The following ABCB1 variants were observed in gnomAD, a reference collection of about 807,000 sequenced individuals.
The protein encoded by ABCB1 is ATP binding cassette subfamily B member 1, also known as ATP-dependent translocase ABCB1.
A neutral mutation model predicts 142.0 loss-of-function variants in ABCB1; 69 were observed. The observed-to-expected ratio is 0.49, with a 90% CI of 0.40 to 0.59. The LOEUF (loss-of-function observed/expected upper bound fraction) is 0.59, where lower values mean the gene tolerates loss of function less well. Ranked by LOEUF, ABCB1 falls within the 20% of genes least tolerant of loss-of-function variation. The pLI is 0.00. For missense variants in ABCB1, 1,326 were observed against 1,554.7 expected, an observed-to-expected ratio of 0.85 and a Z score of 2.47; for synonymous variants, 532 against 539.2, an observed-to-expected ratio of 0.99 and a Z score of 0.18.
At chr7:87,577,252 T>C (rs1818306492) in intron 4 of ABCB1, among the ~76,000 whole-genome samples, 1 of 152,164 alleles carries the variant, frequency 6.6e-6, no homozygotes, top group Non-Finnish European at 1.5e-5. Flanking sequence ...AGGATCTCAT[T>C]TTTTTAAGGA....
At chr7:87,634,501 G>GA (rs906458979) in intron 1 of ABCB1, among the ~76,000 whole-genome samples, 1 of 134,108 alleles carries the variant, frequency 7.5e-6, no homozygotes, top group African/African-American at 2.7e-5. Flanking sequence ...GGGTGGGGGG[G>GA]GGGGCACCTG....
At chr7:87,660,011 G>A (rs1406364506) in intron 1 of ABCB1, among the ~76,000 whole-genome samples, 2 of 152,044 alleles carry the variant, frequency 1.3e-5, no homozygotes, top group African/African-American at 4.8e-5. Flanking sequence ...TAGGATTTCG[G>A]TTTGATAACA....
intron 3 of ABCB1, among the ~76,000 whole-genome samples, chr7:87,586,318 A>G (rs1188848408): frequency 6.6e-6 from 1 of 152,248 alleles, no homozygotes; most frequent in Non-Finnish European, 1.5e-5. Context: ...TAGGCAGGTA[A>G]CAGGAAGGAA....
At chr7:87,578,018 T>C (rs1490431212) in intron 4 of ABCB1, among the ~76,000 whole-genome samples, 1 of 152,194 alleles carries the variant, frequency 6.6e-6, no homozygotes, top group Non-Finnish European at 1.5e-5. Flanking sequence ...AGAGAGTTTT[T>C]CCAGTGTCTT....
chr7:87,609,213 C>T (rs1819764101), intron 1 of ABCB1, among the ~76,000 whole-genome samples: 1 of 152,074 alleles, frequency 6.6e-6, no homozygotes, highest in Admixed American at 6.6e-5. Flanking sequence ...TCAGGGCAGA[C>T]CTCATTAAGG....
chr7:87,660,635 A>G (rs927953785), intron 1 of ABCB1, among the ~76,000 whole-genome samples: 3 of 151,864 alleles, frequency 2.0e-5, no homozygotes, highest in Non-Finnish European at 4.4e-5. Flanking sequence ...ATGTATATTA[A>G]TGCATTATTG....
intron 6 of ABCB1, 139 bp from the exon 7 acceptor site, chr7:87,566,380 G>T: frequency 1.2e-6 from 1 of 855,468 alleles, no homozygotes; most frequent in Non-Finnish European, 1.9e-6. Context: ...CAGGGTAGAA[G>T]TTTCTACTAG....
intron 1 of ABCB1, among the ~76,000 whole-genome samples, chr7:87,625,335 G>A (rs953352197): frequency 6.6e-6 from 1 of 152,072 alleles, no homozygotes; most frequent in African/African-American, 2.4e-5. Flanking sequence ...TTCAGTCATA[G>A]TTCACAGTGA....
intron 25 of ABCB1, 100 bp downstream of exon 25, chr7:87,515,131 T>A: frequency 1.4e-6 from 2 of 1,453,456 alleles, no homozygotes; most frequent in Non-Finnish European, 9.4e-7. Flanking sequence ...GACTGTTGTT[T>A]AAAGGTTTGA....
intron 8 of ABCB1, among the ~76,000 whole-genome samples, chr7:87,560,463 G>A (rs937537546): frequency 6.6e-6 from 1 of 152,126 alleles, no homozygotes; most frequent in African/African-American, 2.4e-5. Flanking sequence ...CCTGCTGTGT[G>A]TTCGGCTCTC....
chr7:87,546,083 C>G, intron 14 of ABCB1, 59 bp from the exon 15 acceptor site: 2 of 1,547,674 alleles, frequency 1.3e-6, no homozygotes, highest in Admixed American at 3.3e-5. Context: ...GAAACTTAAC[C>G]ATTCAACATA....
chr7:87,522,922 G>A (rs778051894), intron 21 of ABCB1, among the ~76,000 whole-genome samples: 56 of 152,026 alleles, frequency 3.7e-4, no homozygotes, highest in Non-Finnish European at 5.7e-4. Flanking sequence ...ATAATGAGAT[G>A]TGTAATGAGT....
chr7:87,544,998 G>T lies in ABCB1; in HGVS notation c.1889C>A (p.Thr630Lys). 1 of 1,613,412 alleles carries T rather than the reference G, an allele frequency of 6.2e-7. No homozygotes were observed. The highest frequency in any genetic ancestry group is 8.5e-7 in the Non-Finnish European group (1 of 1,179,742). ...GIYFKLVTMQ[T>K]AGNEVELENA... ...TTCTAATTCAACTTCATTTCCTGCT[G>T]TCTAAAATAAATAAGAAATATGCAA... The change falls in exon 16 of 28, where the codon ACA becomes AAA. Residue 630 changes from threonine to lysine, a missense_variant and splice_region_variant. By Grantham distance (78) the Thr-to-Lys change is moderately conservative. Coordinates refer to ENST00000622132, the MANE Select transcript of ABCB1 (RefSeq NM_001348946.2).
chr7:87,602,025 G>T (rs1039956064), upstream of ABCB1, among the ~76,000 whole-genome samples: 1 of 151,950 alleles, frequency 6.6e-6, no homozygotes, highest in Non-Finnish European at 1.5e-5. Context: ...ACGGAGTCTT[G>T]CTTTGTCGCC....
At chr7:87,542,163 A>G (rs1195660819) in intron 17 of ABCB1, among the ~76,000 whole-genome samples, 5 of 152,218 alleles carry the variant, frequency 3.3e-5, no homozygotes, top group African/African-American at 1.2e-4. Context: ...CAGGACAGAC[A>G]ACTTTATCCT....
At chr7:87,613,946 T>C (rs543797425) in intron 1 of ABCB1, among the ~76,000 whole-genome samples, 1 of 152,340 alleles carries the variant, frequency 6.6e-6, no homozygotes, top group Non-Finnish European at 1.5e-5. Flanking sequence ...TTTTGGAAAG[T>C]TTATTCTTAT....
intron 14 of ABCB1, 144 bp downstream of exon 14, chr7:87,549,204 G>A: frequency 1.2e-6 from 1 of 845,576 alleles, no homozygotes; most frequent in Non-Finnish European, 1.8e-6. Context: ...TTTCAAAGAG[G>A]CCCAATGCTT....
At chr7:87,628,252 C>T (rs1820800514) in intron 1 of ABCB1, among the ~76,000 whole-genome samples, 1 of 152,174 alleles carries the variant, frequency 6.6e-6, no homozygotes, top group African/African-American at 2.4e-5. Context: ...GCAGCCCACG[C>T]GTCGGGGCGG....
intron 3 of ABCB1, among the ~76,000 whole-genome samples, chr7:87,589,029 T>C (rs991586602): frequency 6.6e-6 from 1 of 152,182 alleles, no homozygotes; most frequent in Non-Finnish European, 1.5e-5. Context: ...AGGTTCCTTA[T>C]AAATGCTAGA....
Sources: gnomAD v4.1 joint callset for allele counts (sites outside exome capture counted in the v4.1 genomes callset) on GRCh38, gnomAD v4.1.1 for gene constraint, MANE v1.5 for transcripts, NCBI Gene and HGNC (gene_info 2026-07-23, HGNC 2026-07-21) for gene names.